C12orf56: variants seen among roughly 807,000 people sequenced by gnomAD.
C12orf56 encodes the protein chromosome 12 open reading frame 56.
Under a neutral mutation model 69.9 loss-of-function variants are expected in C12orf56, and 71 were observed. The ratio of observed to expected loss-of-function variants is 1.02; its 90% CI spans 0.84 to 1.24. C12orf56 has a LOEUF of 1.24. C12orf56 is among the 50% of genes most tolerant of loss of function. The pLI, the probability that C12orf56 is intolerant of heterozygous loss-of-function variation, is 0.00. For synonymous variants in C12orf56, 276 were observed against 274.1 expected (o/e 1.01, Z -0.07); for missense variants, 732 against 738.5 (o/e 0.99, Z 0.10).
In C12orf56 at chr12:64,390,596, G is replaced by A; in HGVS notation, c.-31C>T. The A allele has an allele frequency of 6.7e-7, 1 of 1,492,474 alleles. No individual in the cohort carries two copies. Among genetic ancestry groups the A allele is most frequent in the South Asian group, 1.3e-5 (1 of 77,266 alleles). The allele number at this position is 1,492,474 out of a possible 1,614,324, so 92.5% of individuals were successfully genotyped here. A position where few individuals can be genotyped will look rare whatever the true frequency, so the allele number is the denominator to read the frequency against. On this transcript the variant is annotated 5_prime_UTR_variant, in exon 1 of 13. Transcript: ENST00000543942. ...GCGCCCGCAGCGTGGCGGAGTGCTG[G>A]GACTCGAGGCCCTCAGCTCGCCCTC... is the stretch of plus-strand genomic sequence containing the variant.
At chr12:64,343,786 G>A (rs1415398731) in intron 2 of C12orf56, among the ~76,000 whole-genome samples, 1 of 152,164 alleles carries the variant, frequency 6.6e-6, no homozygotes, top group East Asian at 1.9e-4. Flanking sequence ...TCCCTCCAGG[G>A]ACACAATATT....
At chr12:64,370,674 T>C (rs1398065630) in intron 1 of C12orf56, among the ~76,000 whole-genome samples, 1 of 151,826 alleles carries the variant, frequency 6.6e-6, no homozygotes, top group Admixed American at 6.6e-5. Context: ...AAGATGCTAA[T>C]TGCACCAAGT....
chr12:64,271,311 A>T (rs2037987797), intron 11 of C12orf56, among the ~76,000 whole-genome samples: 1 of 152,000 alleles, frequency 6.6e-6, no homozygotes, highest in Non-Finnish European at 1.5e-5. Context: ...CTAAAAATAC[A>T]AAAATTTGCC....
At chr12:64,376,676 C>G (rs1048962688) in intron 1 of C12orf56, among the ~76,000 whole-genome samples, 1 of 147,250 alleles carries the variant, frequency 6.8e-6, no homozygotes, top group Admixed American at 6.9e-5. Flanking sequence ...GTGTTCTCAT[C>G]ATTTAGCTCC....
chr12:64,353,385 T>TTAA, intron 1 of C12orf56, among the ~76,000 whole-genome samples: 2 of 152,272 alleles, frequency 1.3e-5, no homozygotes, highest in East Asian at 3.9e-4. Flanking sequence ...CTCGAATTCC[T>TTAA]GACCTTAAGT....
chr12:64,358,010 T>A (rs1329653349), intron 1 of C12orf56, among the ~76,000 whole-genome samples: 2 of 152,216 alleles, frequency 1.3e-5, no homozygotes, highest in Non-Finnish European at 2.9e-5. Flanking sequence ...TTGATGGTTG[T>A]CACACAAACA....
intron 2 of C12orf56, among the ~76,000 whole-genome samples, chr12:64,351,752 G>A (rs925259693): frequency 4.3e-4 from 65 of 151,924 alleles, no homozygotes; most frequent in African/African-American, 1.5e-3. Flanking sequence ...TATTCGCTAG[G>A]AAGAGATGGG....
At chr12:64,342,188 C>T (rs2039082751) in intron 2 of C12orf56, among the ~76,000 whole-genome samples, 1 of 152,238 alleles carries the variant, frequency 6.6e-6, no homozygotes, top group African/African-American at 2.4e-5. Context: ...CTGGAAGCTT[C>T]TTCTGGCAGT....
chr12:64,273,056 A>C (rs2038009467), intron 11 of C12orf56, among the ~76,000 whole-genome samples: 1 of 152,132 alleles, frequency 6.6e-6, no homozygotes, highest in Non-Finnish European at 1.5e-5. Context: ...GCAATTTGGG[A>C]GGCCAAGGTG....
intron 1 of C12orf56, among the ~76,000 whole-genome samples, chr12:64,387,729 T>C (rs1426146646): frequency 6.6e-6 from 1 of 151,632 alleles, no homozygotes; most frequent in Admixed American, 6.6e-5. Flanking sequence ...GGAGAATCAC[T>C]TGAGCCAGGG....
chr12:64,333,040 T>C (rs544282957), intron 2 of C12orf56, among the ~76,000 whole-genome samples: 97 of 152,318 alleles, frequency 6.4e-4, no homozygotes, highest in Non-Finnish European at 1.1e-3. Context: ...TCACAAATAA[T>C]GGTACAAAAT....
chr12:64,302,127 A>G (rs765315862), intron 6 of C12orf56, among the ~76,000 whole-genome samples: 4 of 152,192 alleles, frequency 2.6e-5, no homozygotes, highest in Non-Finnish European at 5.9e-5. Flanking sequence ...ATTCCATTTC[A>G]TCTTCATAAT....
chr12:64,268,238 A>G (rs749904484), intron 12 of C12orf56, among the ~76,000 whole-genome samples: 65 of 152,164 alleles, frequency 4.3e-4, no homozygotes, highest in Non-Finnish European at 7.9e-4. Flanking sequence ...AGCAAGAGAG[A>G]GAGGAGATGG....
At chr12:64,278,346 C>T (rs1490775687) in intron 8 of C12orf56, among the ~76,000 whole-genome samples, 1 of 152,024 alleles carries the variant, frequency 6.6e-6, no homozygotes, top group Non-Finnish European at 1.5e-5. Context: ...ATTTTTGGCA[C>T]AGGATCTCAT....
Position 64,375,564 on chromosome 12 carries a change from G to C in C12orf56, c.252+14750C>G, listed in dbSNP as rs1386890443. On this transcript the variant is annotated intron_variant, in intron 1 of 12. Transcript: ENST00000543942. Reference sequence around the variant, plus strand: ...AAGAAGTTCTGCAAAGGAGACCAGAGCCTTGAAGATGAGGAGCATAGAGGC... The same window carrying C: ...AAGAAGTTCTGCAAAGGAGACCAGACCCTTGAAGATGAGGAGCATAGAGGC... 2.0e-5 allele frequency among the ~76,000 whole-genome samples: 3 copies of C among 152,170 alleles called. No individual in the cohort carries two copies. The East Asian group carries it at 5.8e-4, about 29-fold the overall frequency.
chr12:64,370,956 C>T (rs910611690), intron 1 of C12orf56, among the ~76,000 whole-genome samples: 3 of 152,130 alleles, frequency 2.0e-5, no homozygotes, highest in African/African-American at 4.8e-5. Flanking sequence ...GCTACCATTG[C>T]ACCACTACAC....
chr12:64,388,829 C>T (rs2039828067), intron 1 of C12orf56, among the ~76,000 whole-genome samples: 1 of 152,122 alleles, frequency 6.6e-6, no homozygotes, highest in African/African-American at 2.4e-5. Flanking sequence ...TGCACTCCAG[C>T]CTGGATGACA....
chr12:64,333,694 G>T (rs2038959681), intron 2 of C12orf56, among the ~76,000 whole-genome samples: 2 of 151,882 alleles, frequency 1.3e-5, no homozygotes, highest in African/African-American at 2.4e-5. Context: ...TAGAGACGGG[G>T]TTTCACCACT....
intron 1 of C12orf56, among the ~76,000 whole-genome samples, chr12:64,357,868 C>G (rs1206969332): frequency 6.6e-6 from 1 of 151,580 alleles, no homozygotes; most frequent in Non-Finnish European, 1.5e-5. Flanking sequence ...CCACTGCTCT[C>G]CAGCCTGGGT....
Sources: allele counts gnomAD v4.1 joint callset (sites outside exome capture counted in the v4.1 genomes callset), GRCh38; gene constraint gnomAD v4.1.1; transcripts MANE v1.5; gene names NCBI Gene and HGNC (gene_info 2026-07-23, HGNC 2026-07-21).